The following LYN variants were observed in gnomAD, a reference collection of about 807,000 sequenced individuals.
The protein encoded by LYN is tyrosine-protein kinase Lyn.
LYN carries 12 observed loss-of-function variants against 65.0 expected under a neutral mutation model. That is an observed-to-expected ratio of 0.18 (90% CI 0.12 to 0.30). The LOEUF (loss-of-function observed/expected upper bound fraction) is 0.30, where lower values mean the gene tolerates loss of function less well. Ranked by LOEUF, LYN falls within the 10% of genes least tolerant of loss-of-function variation. The pLI is 1.00. For missense variants in LYN, 380 were observed against 623.2 expected (o/e 0.61, Z 4.16); for synonymous variants, 222 against 221.2 (o/e 1.00, Z -0.03).
At chr8:55,899,759 C>G (rs560982366) in intron 1 of LYN, among the ~76,000 whole-genome samples, 1 of 152,276 alleles carries the variant, frequency 6.6e-6, no homozygotes, top group Admixed American at 6.5e-5. Context: ...AAGTGATTCT[C>G]CTGTCTCAGC....
intron 10 of LYN, among the ~76,000 whole-genome samples, chr8:55,974,142 G>T (rs1388733253): frequency 2.6e-5 from 4 of 152,196 alleles, no homozygotes; most frequent in Admixed American, 6.5e-5. Flanking sequence ...CTAGTATGCG[G>T]AATTGCTGGG....
chr8:56,004,294 CTTTT>C (rs377562431), intron 12 of LYN, among the ~76,000 whole-genome samples: 2 of 125,246 alleles, frequency 1.6e-5, no homozygotes, highest in African/African-American at 3.1e-5. Flanking sequence ...GAAAGACTTC[CTTTT>C]TTTTTTTTTT....
Position 55,996,350 on chromosome 8 carries a change from C to T in LYN, c.1051-1996C>T, listed in dbSNP as rs986518298. Among the ~76,000 whole-genome samples, 28 of 152,136 alleles carry T rather than the reference C, an allele frequency of 1.8e-4. 1 individual carries two copies. Among genetic ancestry groups the T allele is most frequent in the Middle Eastern group, 3.2e-3 (1 of 316 alleles). On this transcript the variant is annotated intron_variant, in intron 10 of 12. Coordinates refer to ENST00000519728, the MANE Select transcript of LYN (RefSeq NM_002350.4). ...GCTAAGCAACGTGGTCTGGAACTGG[C>T]GGCCTGAAGTGCTTGATTACCAGGG...
chr8:55,998,794 T>G (rs922887666), intron 11 of LYN, among the ~76,000 whole-genome samples: 5 of 152,264 alleles, frequency 3.3e-5, no homozygotes, highest in Non-Finnish European at 5.9e-5. Context: ...TATTTTGTAT[T>G]GTTAAAGTTT....
At chr8:56,001,639 GA>G (rs1159561192) in intron 12 of LYN, among the ~76,000 whole-genome samples, 2 of 152,122 alleles carry the variant, frequency 1.3e-5, no homozygotes, top group Non-Finnish European at 2.9e-5. Flanking sequence ...TGCAAAATAG[GA>G]AAAATATTTC....
intron 1 of LYN, among the ~76,000 whole-genome samples, chr8:55,932,345 C>T (rs1048441932): frequency 6.6e-6 from 1 of 152,080 alleles, no homozygotes; most frequent in African/African-American, 2.4e-5. Context: ...TAAGAAGACT[C>T]AATAATCCTT....
At chr8:55,902,250 T>C (rs1963650) in intron 1 of LYN, among the ~76,000 whole-genome samples, 65,858 of 151,330 alleles carry the variant, frequency 0.44, 14,976 homozygotes, top group Middle Eastern at 0.55. Flanking sequence ...TCAGGTGATC[T>C]GCCCATTTTT....
intron 1 of LYN, among the ~76,000 whole-genome samples, chr8:55,915,181 C>A (rs764269304): frequency 6.6e-6 from 1 of 152,144 alleles, no homozygotes; most frequent in Non-Finnish European, 1.5e-5. Context: ...GCTGTCCAAC[C>A]TCTCTGGCAT....
rs1808792186 is a variant in LYN, at chr8:56,010,731, A to AG, written c.*622dup. 1 of 230,524 alleles carries AG rather than the reference A, an allele frequency of 4.3e-6. No individual in the cohort carries two copies. The highest frequency in any genetic ancestry group is 8.6e-6 in the Non-Finnish European group (1 of 116,502). 14.3% of individuals were successfully genotyped at this position (230,524 alleles called of 1,614,324 possible). On this transcript the variant is annotated 3_prime_UTR_variant, in exon 13 of 13. Transcript: ENST00000519728. The stretch of plus-strand genomic sequence containing the variant: ...TCTATGAACACTGCTCAGACCTGCT[A>AG]GACATGCCATAGGAGTGGCGTGCAC...
chr8:55,954,873 A>AATAAATAT (rs1394111205), intron 8 of LYN, among the ~76,000 whole-genome samples: 18 of 145,892 alleles, frequency 1.2e-4, no homozygotes, highest in Non-Finnish European at 2.4e-4. Context: ...TAAATAAATA[A>AATAAATAT]AAGTTTTCAT....
intron 7 of LYN, among the ~76,000 whole-genome samples, chr8:55,952,519 C>T (rs1205838480): frequency 6.6e-6 from 1 of 152,176 alleles, no homozygotes; most frequent in African/African-American, 2.4e-5. Context: ...GAGATCGCGC[C>T]ACTGCACTCC....
intron 1 of LYN, among the ~76,000 whole-genome samples, chr8:55,921,956 C>T (rs1805958551): frequency 6.6e-6 from 1 of 152,194 alleles, no homozygotes; most frequent in African/African-American, 2.4e-5. Flanking sequence ...ACAGGAATCC[C>T]TGCTCTCATG....
At chr8:55,979,003 A>C (rs1027789781) in intron 10 of LYN, among the ~76,000 whole-genome samples, 6 of 151,870 alleles carry the variant, frequency 4.0e-5, no homozygotes, top group African/African-American at 1.5e-4. Context: ...CTCTTGAAAA[A>C]AATGTGATTT....
chr8:56,004,961 T>C (rs7825881), intron 12 of LYN, among the ~76,000 whole-genome samples: 2,260 of 152,188 alleles, frequency 0.015, 56 homozygotes, highest in African/African-American at 0.045. Context: ...ATTTATAAAT[T>C]TTTTGTAGAG....
chr8:55,943,766 G>T (rs1254932454), intron 2 of LYN, among the ~76,000 whole-genome samples: 1 of 152,076 alleles, frequency 6.6e-6, no homozygotes, highest in East Asian at 1.9e-4. Context: ...TTGAGACAAA[G>T]AAATCAACAT....
intron 10 of LYN, among the ~76,000 whole-genome samples, chr8:55,981,341 C>A (rs1807913954): frequency 6.6e-6 from 1 of 152,142 alleles, no homozygotes; most frequent in Non-Finnish European, 1.5e-5. Context: ...ACCTTTTTAT[C>A]CCCAGCACTT....
chr8:55,908,205 A>G (rs1475815674), intron 1 of LYN, among the ~76,000 whole-genome samples: 9 of 147,028 alleles, frequency 6.1e-5, no homozygotes, highest in Non-Finnish European at 5.9e-5. Context: ...ATTCCCAGAC[A>G]GCTAAGCTGT....
At chr8:55,991,545 G>A (rs1462362633) in intron 10 of LYN, among the ~76,000 whole-genome samples, 1 of 152,102 alleles carries the variant, frequency 6.6e-6, no homozygotes, top group African/African-American at 2.4e-5. Flanking sequence ...AATATGTTCT[G>A]TGCACCTAGA....
At position 55,954,105 on chromosome 8, in the gene LYN, T is replaced by G. The variant is rs1585634826; in HGVS notation, c.790+121T>G. 1.6e-5 allele frequency: 19 copies of G among 1,153,150 alleles called. No homozygotes were observed. In the East Asian group the frequency reaches 4.3e-4, roughly 26 times the overall value. The allele number at this position is 1,153,150 out of a possible 1,614,324, so 71.4% of individuals were successfully genotyped here. ...TAAATTATGTCAGAAGCATCATTTA[T>G]TTTGTTTTCCTCTGTCCATTGGGGC... On this transcript the variant is annotated intron_variant, in intron 8 of 12. Transcript: ENST00000519728.
Sources: allele counts gnomAD v4.1 joint callset (sites outside exome capture counted in the v4.1 genomes callset), GRCh38; gene constraint gnomAD v4.1.1; transcripts MANE v1.5; gene names NCBI Gene and HGNC (gene_info 2026-07-23, HGNC 2026-07-21).